The following CSMD1 variants were observed in gnomAD, a reference collection of about 807,000 sequenced individuals.
The protein encoded by CSMD1 is CUB and sushi domain-containing protein 1.
CSMD1 carries 213 observed loss-of-function variants against 417.5 expected under a neutral mutation model. The observed-to-expected ratio is 0.51, with a 90% confidence interval of 0.46 to 0.57. CSMD1 has a LOEUF of 0.57. Ranked by LOEUF, CSMD1 falls within the 20% of genes least tolerant of loss-of-function variation. CSMD1 has a pLI of 0.00. For missense variants in CSMD1, 6,923 were observed against 4,529.7 expected (o/e 1.53, Z -15.17); for synonymous variants, 2,862 against 1,736.8 (o/e 1.65, Z -16.11).
chr8:3,552,851 T>G (rs1024036801), intron 10 of CSMD1, among the ~76,000 whole-genome samples: 19 of 152,126 alleles, frequency 1.2e-4, no homozygotes, highest in Non-Finnish European at 2.2e-4. Context: ...TTAAATTAAG[T>G]TATAAAAGAT....
At chr8:3,966,691 C>T (rs190066313) in intron 5 of CSMD1, among the ~76,000 whole-genome samples, 266 of 151,962 alleles carry the variant, frequency 1.8e-3, no homozygotes, top group East Asian at 9.5e-3. Context: ...GCCACCACAG[C>T]GTATGCCATG....
At chr8:4,332,731 A>T (rs1350774768) in intron 3 of CSMD1, among the ~76,000 whole-genome samples, 34 of 152,048 alleles carry the variant, frequency 2.2e-4, no homozygotes, top group Admixed American at 2.2e-3. Flanking sequence ...TTTCAGTGTG[A>T]GTTACCATTC....
chr8:4,897,636 T>C (rs560457336), intron 1 of CSMD1, among the ~76,000 whole-genome samples: 1 of 152,016 alleles, frequency 6.6e-6, no homozygotes, highest in Admixed American at 6.5e-5. Flanking sequence ...TACGTTAATG[T>C]CCAATAATAT....
chr8:4,846,508 C>A (rs1031559954), intron 1 of CSMD1, among the ~76,000 whole-genome samples: 1 of 152,220 alleles, frequency 6.6e-6, no homozygotes, highest in Non-Finnish European at 1.5e-5. Flanking sequence ...GCAACTCCCA[C>A]AACCGACATT....
chr8:4,751,825 C>T (rs967082319), intron 1 of CSMD1, among the ~76,000 whole-genome samples: 5 of 152,126 alleles, frequency 3.3e-5, no homozygotes, highest in African/African-American at 9.7e-5. Context: ...ATGATGTCTT[C>T]GGTTTCATGT....
At chr8:4,421,703 T>C (rs1259271123) in intron 2 of CSMD1, among the ~76,000 whole-genome samples, 1 of 151,916 alleles carries the variant, frequency 6.6e-6, no homozygotes, top group Non-Finnish European at 1.5e-5. Flanking sequence ...AGAAGGTAAT[T>C]AGTCGCACTA....
intron 1 of CSMD1, among the ~76,000 whole-genome samples, chr8:4,924,722 C>CAAAAAAA (rs60827201): frequency 2.2e-4 from 14 of 62,320 alleles, no homozygotes; most frequent in South Asian, 1.8e-3. Flanking sequence ...AACTCCATCT[C>CAAAAAAA]AAAAAAAAAA....
intron 49 of CSMD1, among the ~76,000 whole-genome samples, chr8:3,064,172 G>A (rs1156673206): frequency 2.0e-5 from 3 of 152,112 alleles, no homozygotes; most frequent in Admixed American, 6.6e-5. Flanking sequence ...AACTTTCAAG[G>A]CCTGATAAAT....
At chr8:4,593,124 G>T (rs927774595) in intron 2 of CSMD1, among the ~76,000 whole-genome samples, 1 of 152,110 alleles carries the variant, frequency 6.6e-6, no homozygotes, top group Non-Finnish European at 1.5e-5. Flanking sequence ...TCCTTTCTTA[G>T]GGTGAATGGA....
rs530947536 is a variant in CSMD1, at chr8:4,599,856, G to C, written c.302+37486C>G. Among the ~76,000 whole-genome samples the C allele has an allele frequency of 3.3e-5, 5 of 152,290 alleles. No individual in the cohort carries two copies. In the East Asian group the frequency reaches 5.8e-4, roughly 18 times the overall value. On this transcript the variant is annotated intron_variant, in intron 2 of 69. Transcript: ENST00000635120. Reference sequence around the variant, plus strand: ...ACATATGCAAATGATCTCCAACTTAGAGACAATTAAAGTTACATTCAAAGA... The same window carrying C: ...ACATATGCAAATGATCTCCAACTTACAGACAATTAAAGTTACATTCAAAGA...
At chr8:4,131,883 C>T (rs756375389) in intron 3 of CSMD1, among the ~76,000 whole-genome samples, 1 of 148,148 alleles carries the variant, frequency 6.8e-6, no homozygotes, top group African/African-American at 2.5e-5. Context: ...CTGCCTTAGT[C>T]TCCCATGTAG....
chr8:4,081,417 C>T (rs1040436703), intron 3 of CSMD1, among the ~76,000 whole-genome samples: 21 of 152,114 alleles, frequency 1.4e-4, no homozygotes, highest in African/African-American at 4.8e-4. Flanking sequence ...GCAGCTTCCT[C>T]CTTTTTGCCT....
chr8:4,236,026 GTTTTTTTTGTTTGTTTT>G (rs1243304188), intron 3 of CSMD1, among the ~76,000 whole-genome samples: 150 of 108,070 alleles, frequency 1.4e-3, no homozygotes, highest in African/African-American at 4.3e-3. Context: ...AATGGATATT[GTTTTTTTTGTTTGTTTT>G]TTTTTTTTTT....
At chr8:4,723,726 G>T (rs1397906428) in intron 1 of CSMD1, among the ~76,000 whole-genome samples, 1 of 142,478 alleles carries the variant, frequency 7.0e-6, no homozygotes, top group Non-Finnish European at 1.5e-5. Flanking sequence ...AAATAATAAT[G>T]AAAGGAATTT....
chr8:4,018,039 A>T (rs370426603), intron 4 of CSMD1, among the ~76,000 whole-genome samples: 3 of 151,578 alleles, frequency 2.0e-5, no homozygotes, highest in African/African-American at 4.9e-5. Flanking sequence ...CATACCCATG[A>T]AACTGTCACT....
At chr8:3,504,249 T>TA (rs1418776213) in intron 10 of CSMD1, among the ~76,000 whole-genome samples, 5 of 71,972 alleles carry the variant, frequency 6.9e-5, no homozygotes, top group South Asian at 1.0e-3. Flanking sequence ...ACAATTTCTT[T>TA]AAAAAAACAT....
At chr8:3,840,667 T>C (rs7341563) in intron 5 of CSMD1, among the ~76,000 whole-genome samples, 65,981 of 150,386 alleles carry the variant, frequency 0.44, 15,297 homozygotes, top group African/African-American at 0.58. Context: ...GAGGTCACTA[T>C]ACAGTGACCT....
At chr8:4,442,979 G>T (rs1293540068) in intron 2 of CSMD1, among the ~76,000 whole-genome samples, 1 of 152,082 alleles carries the variant, frequency 6.6e-6, no homozygotes, top group East Asian at 1.9e-4. Flanking sequence ...CCAAAATAGT[G>T]TCATTGCTTT....
intron 3 of CSMD1, among the ~76,000 whole-genome samples, chr8:4,146,172 C>G (rs1042921512): frequency 6.6e-6 from 1 of 150,846 alleles, no homozygotes; most frequent in Non-Finnish European, 1.5e-5. Flanking sequence ...CCTCATACTC[C>G]GCTGGCCAAG....
Sources: allele counts gnomAD v4.1 joint callset (sites outside exome capture counted in the v4.1 genomes callset), GRCh38; gene constraint gnomAD v4.1.1; transcripts MANE v1.5; gene names NCBI Gene and HGNC (gene_info 2026-07-23, HGNC 2026-07-21).